Variants in DHDDS observed in about 807,000 individuals in gnomAD.
DHDDS encodes the protein dehydrodolichyl diphosphate synthase complex subunit DHDDS.
Under a neutral mutation model 46.2 loss-of-function variants are expected in DHDDS, and 16 were observed. The ratio of observed to expected loss-of-function variants is 0.35; its 90% CI spans 0.23 to 0.53. DHDDS has a LOEUF of 0.53. Ranked by LOEUF, DHDDS falls within the 20% of genes least tolerant of loss-of-function variation. The pLI is 0.94. For missense variants in DHDDS, 340 were observed against 423.7 expected, an observed-to-expected ratio of 0.80 and a Z score of 1.73; for synonymous variants, 151 against 163.1, an observed-to-expected ratio of 0.93 and a Z score of 0.56.
chr1:26,456,628 G>A (rs2075372598), intron 6 of DHDDS, among the ~76,000 whole-genome samples: 1 of 152,124 alleles, frequency 6.6e-6, no homozygotes, highest in Middle Eastern at 3.2e-3. Flanking sequence ...CCTGATCGCA[G>A]GTGATCTGCC....
Position 26,469,068 on chromosome 1 carries a change from C to T in DHDDS, c.939C>T (p.Phe313=), listed in dbSNP as rs2075524711. The T allele has an allele frequency of 6.2e-7, 1 of 1,613,538 alleles. No homozygotes were observed. The highest frequency in any genetic ancestry group is 1.3e-5 in the African/African-American group (1 of 74,926). ...GACGGGAAGAGCGAGTCCAAGGCTT[C>T]CTGCAGGCCTTGGAACTCAAGCGAG... ...SARREERVQG[F]LQALELKRAD... is the part of the protein sequence containing the mutation. Residue 313 remains phenylalanine, a synonymous_variant, in exon 9 of 9, where the codon TTC becomes TTT. Transcript: ENST00000236342.
At chr1:26,449,314 T>C (rs2075298154) in intron 6 of DHDDS, among the ~76,000 whole-genome samples, 1 of 151,954 alleles carries the variant, frequency 6.6e-6, no homozygotes. Flanking sequence ...TTGGCGAGGC[T>C]GGTCTTGAAC....
intron 8 of DHDDS, among the ~76,000 whole-genome samples, chr1:26,460,452 T>A (rs1322783922): frequency 6.6e-6 from 1 of 152,246 alleles, no homozygotes. Flanking sequence ...GGATTTGAGC[T>A]ACAGGTCTTT....
intron 1 of DHDDS, 128 bp from the exon 2 acceptor site, chr1:26,432,763 T>C (rs1438012939): frequency 6.2e-6 from 4 of 641,546 alleles, no homozygotes; most frequent in Admixed American, 5.3e-5. Context: ...TAAAAGATTA[T>C]AGGCTTAGAC....
At position 26,469,541 on chromosome 1, in the gene DHDDS, A is replaced by C; in HGVS notation, c.*410A>C. 1 of 263,458 alleles carries C rather than the reference A, an allele frequency of 3.8e-6. No homozygotes were observed. Among genetic ancestry groups the C allele is most frequent in the East Asian group, 8.7e-5 (1 of 11,474 alleles). 16.3% of individuals were successfully genotyped at this position (263,458 alleles called of 1,614,324 possible). On this transcript the variant is annotated 3_prime_UTR_variant, in exon 9 of 9. Coordinates refer to ENST00000236342, the MANE Select transcript of DHDDS (RefSeq NM_205861.3). ...TTAGCCTTCCACCCAGCTTCCACAA[A>C]AGATTTGGCTCTACCTTGGATCTGC...
chr1:26,469,022 G>A lies in DHDDS; in HGVS notation c.893G>A (p.Arg298His), dbSNP rs778103040. 2.2e-5 allele frequency: 36 copies of A among 1,614,014 alleles called. 1 individual carries two copies. Among genetic ancestry groups the A allele is most frequent in the South Asian group, 2.1e-4 (19 of 91,084 alleles). The change falls in exon 9 of 9, where the codon CGC (arginine) becomes CAC (histidine). Residue 298 changes from arginine (R) to histidine (H), a missense_variant. Arg to His is a conservative substitution (Grantham distance 29). Coordinates refer to ENST00000236342, the MANE Select transcript of DHDDS (RefSeq NM_205861.3). ...GGGGACGCCCAGCTCCGAAGGACAC[G>A]CTTGCACAAACTCTCGGCCAGACGG... ...ASGDAQLRRT[R>H]LHKLSARREE...
At chr1:26,459,895 C>T (rs2075405300) in intron 7 of DHDDS, 142 bp from the exon 8 acceptor site, 4 of 728,652 alleles carry the variant, frequency 5.5e-6, no homozygotes, top group Non-Finnish European at 9.9e-6. Context: ...GCAGCAGCTG[C>T]AGCTACAGCT....
intron 6 of DHDDS, among the ~76,000 whole-genome samples, chr1:26,452,963 T>C (rs906255783): frequency 6.6e-6 from 1 of 152,048 alleles, no homozygotes; most frequent in South Asian, 2.1e-4. Flanking sequence ...CTGGGTGTGC[T>C]GGCACACACC....
intron 7 of DHDDS, among the ~76,000 whole-genome samples, chr1:26,459,511 A>G (rs2124498427): frequency 6.6e-6 from 1 of 152,328 alleles, no homozygotes; most frequent in Middle Eastern, 3.4e-3. Context: ...CATTTGAGGA[A>G]TCTCAGGCCA....
At position 26,447,588 on chromosome 1, in the gene DHDDS, C is replaced by T; in HGVS notation, c.470C>T (p.Thr157Ile). ...TTCCTGAATGTCTGTTTTGCATACA[C>T]ATCCCGTCATGAGATCAGCAATGCT... Reference protein sequence around the residue: ...KCFLNVCFAYTSRHEISNAVR... With the variant: ...KCFLNVCFAYISRHEISNAVR... The change falls in exon 6 of 9, where the codon ACA (threonine) becomes ATA (isoleucine). Residue 157 changes from threonine to isoleucine, a missense_variant. This residue lies in a region of DHDDS where 268 missense variants were observed against 300.3 expected (regional missense o/e 0.89). Transcript: ENST00000236342. The T allele has an allele frequency of 3.1e-6, 5 of 1,614,220 alleles. No homozygotes were observed. Among genetic ancestry groups the T allele is most frequent in the Non-Finnish European group, 4.2e-6 (5 of 1,180,052 alleles).
chr1:26,454,798 G>A (rs2075355485), intron 6 of DHDDS: 11 of 1,580,294 alleles, frequency 7.0e-6, no homozygotes, highest in East Asian at 2.2e-5. Flanking sequence ...CATGAGCTCT[G>A]TAGGTCCAGC....
In DHDDS at chr1:26,459,667, T is replaced by C. The variant is rs371016080; in HGVS notation, c.658-370T>C. On this transcript the variant is annotated intron_variant, in intron 7 of 8. Transcript: ENST00000236342. ...AACAATGGCAGCTACCATTTGTTCA[T>C]TGGTGACCTTTATCAGACAGTATGT... is the stretch of plus-strand genomic sequence containing the variant. Among the ~76,000 whole-genome samples the C allele has an allele frequency of 4.1e-3, 629 of 152,336 alleles. 4 individuals are homozygous for C. Among genetic ancestry groups the C allele is most frequent in the African/African-American group, 0.014 (602 of 41,576 alleles).
At chr1:26,460,290 A>G (rs180765803) in intron 8 of DHDDS, 146 bp downstream of exon 8, 12 of 730,062 alleles carry the variant, frequency 1.6e-5, no homozygotes, top group Non-Finnish European at 2.9e-5. Flanking sequence ...AGTATCTACT[A>G]CTTGTCAGGC....
intron 8 of DHDDS, among the ~76,000 whole-genome samples, chr1:26,462,277 TC>T (rs1301999645): frequency 6.6e-6 from 1 of 152,080 alleles, no homozygotes; most frequent in Non-Finnish European, 1.5e-5. Flanking sequence ...TGCTTCGGCC[TC>T]CCCAGGTGCT....
chr1:26,467,912 G>A (rs1043407123), intron 8 of DHDDS, among the ~76,000 whole-genome samples: 3 of 152,190 alleles, frequency 2.0e-5, no homozygotes, highest in African/African-American at 7.2e-5. Context: ...CCGCTCTTCT[G>A]TATCAGGAGC....
In DHDDS at chr1:26,469,116, C is replaced by T. The variant is rs1381026387; in HGVS notation, c.987C>T (p.Gly329=). The change falls in exon 9 of 9, where the codon GGC becomes GGT. Residue 329 remains glycine (G), a synonymous_variant. Transcript: ENST00000236342. Reference sequence around the variant, plus strand: ...GAGCTGACTGGCTGGCCCGTCTGGGCACTGCATCAGCCTGAATGAGGCTGG... The same window carrying T: ...GAGCTGACTGGCTGGCCCGTCTGGGTACTGCATCAGCCTGAATGAGGCTGG... The part of the protein sequence containing the change: ...LKRADWLARL[G]TASA The T allele has an allele frequency of 8.7e-6, 14 of 1,612,026 alleles. No individual in the cohort carries two copies. The highest frequency in any genetic ancestry group is 1.2e-5 in the Non-Finnish European group (14 of 1,180,044).
intron 8 of DHDDS, among the ~76,000 whole-genome samples, chr1:26,464,016 T>C (rs2075454283): frequency 6.8e-6 from 1 of 147,404 alleles, no homozygotes; most frequent in African/African-American, 2.5e-5. Context: ...TTTTTTTTTT[T>C]GAGACGGAAT....
intron 6 of DHDDS, chr1:26,454,973 T>C: frequency 6.4e-7 from 1 of 1,573,154 alleles, no homozygotes; most frequent in East Asian, 2.2e-5. Flanking sequence ...CTGCTTGGCC[T>C]GGGCACACCT....
At position 26,449,838 on chromosome 1, in the gene DHDDS, C is replaced by T. The variant is rs538713377; in HGVS notation, c.542+2178C>T. On this transcript the variant is annotated intron_variant, in intron 6 of 8. Transcript: ENST00000236342. ...CCTCCCAAAGTGCTGGGATTACAGG[C>T]GTGAGCCACCGCGCCCGGCGGTTTT... Among the ~76,000 whole-genome samples, 35 of 152,278 alleles carry T rather than the reference C, an allele frequency of 2.3e-4. No individual in the cohort carries two copies. In the South Asian group the frequency reaches 3.5e-3, roughly 15 times the overall value.
Sources: gnomAD v4.1 joint callset for allele counts (sites outside exome capture counted in the v4.1 genomes callset) on GRCh38, gnomAD v4.1.1 for gene constraint, gnomAD v4.1.1 regional missense constraint, MANE v1.5 for transcripts, NCBI Gene and HGNC (gene_info 2026-07-23, HGNC 2026-07-21) for gene names.